Variants in DDX60L observed in about 807,000 individuals in gnomAD.
The protein encoded by DDX60L is probable ATP-dependent RNA helicase DDX60-like.
DDX60L carries 191 observed loss-of-function variants against 211.6 expected under a neutral mutation model. That is an observed-to-expected ratio of 0.90 (90% CI 0.80 to 1.02). The LOEUF is 1.02. Among genes scored for constraint, DDX60L ranks in the 50% least tolerant of loss-of-function variants. DDX60L has a pLI of 0.00. For synonymous variants in DDX60L, 706 were observed against 694.1 expected (o/e 1.02, Z -0.27); for missense variants, 2,007 against 1,984.1 (o/e 1.01, Z -0.22).
chr4:168,405,803 A>G, intron 24 of DDX60L, 147 bp downstream of exon 24: 1 of 806,358 alleles, frequency 1.2e-6, no homozygotes, highest in Non-Finnish European at 1.8e-6. Flanking sequence ...ATTCTATCTC[A>G]TACTCACTGG....
chr4:168,442,978 C>T (rs925049279), intron 9 of DDX60L, among the ~76,000 whole-genome samples: 2 of 152,216 alleles, frequency 1.3e-5, no homozygotes, highest in African/African-American at 4.8e-5. Flanking sequence ...GCCTCTCCTC[C>T]TCCAAAGGAA....
intron 15 of DDX60L, among the ~76,000 whole-genome samples, chr4:168,422,935 G>T (rs1750867568): frequency 6.7e-6 from 1 of 148,182 alleles, no homozygotes; most frequent in African/African-American, 2.5e-5. Context: ...GAGTAGCTGG[G>T]ACTACAGGCA....
At chr4:168,400,042 G>C (rs964743699) in intron 26 of DDX60L, among the ~76,000 whole-genome samples, 1 of 151,998 alleles carries the variant, frequency 6.6e-6, no homozygotes, top group Non-Finnish European at 1.5e-5. Context: ...ATAGGCCCCA[G>C]TGTGTGTTGT....
chr4:168,387,545 T>C (rs1404728137), intron 29 of DDX60L, among the ~76,000 whole-genome samples: 1 of 152,216 alleles, frequency 6.6e-6, no homozygotes, highest in Non-Finnish European at 1.5e-5. Flanking sequence ...CTGCAGATTG[T>C]TTTTTATAGA....
chr4:168,436,312 A>C lies in DDX60L; in HGVS notation c.1295-3197T>G, dbSNP rs1753026927. 2.0e-5 allele frequency among the ~76,000 whole-genome samples: 3 copies of C among 152,242 alleles called. No individual in the cohort carries two copies. The South Asian group carries it at 6.2e-4, about 31-fold the overall frequency. On this transcript the variant is annotated intron_variant, in intron 10 of 37. Coordinates refer to ENST00000682922, the MANE Select transcript of DDX60L (RefSeq NM_001012967.3). ...CTCTGGATATAGTTACCTTCCCTGCATGCAATGCTTCTGCCAGAAATACTA... is the reference window on the plus strand; with the variant it reads ...CTCTGGATATAGTTACCTTCCCTGCCTGCAATGCTTCTGCCAGAAATACTA...
chr4:168,426,463 T>C (rs900420228), intron 14 of DDX60L, among the ~76,000 whole-genome samples: 5 of 151,930 alleles, frequency 3.3e-5, no homozygotes, highest in African/African-American at 1.2e-4. Context: ...CGAAATATTT[T>C]ATAATGGGTC....
At chr4:168,468,665 A>G (rs556567797) in intron 4 of DDX60L, 1 of 152,322 alleles carries the variant, frequency 6.6e-6, no homozygotes, top group Admixed American at 6.5e-5. Flanking sequence ...GCAATTAAAA[A>G]ATAAAATTGG....
At chr4:168,467,404 C>T (rs1758133073) in intron 4 of DDX60L, among the ~76,000 whole-genome samples, 1 of 141,406 alleles carries the variant, frequency 7.1e-6, no homozygotes, top group Non-Finnish European at 1.5e-5. Context: ...AGAGTGAGAC[C>T]CTGTTTCAAA....
chr4:168,387,544 G>A (rs115333399), intron 29 of DDX60L, among the ~76,000 whole-genome samples: 6,485 of 152,252 alleles, frequency 0.043, 146 homozygotes, highest in Middle Eastern at 0.099. Context: ...TCTGCAGATT[G>A]TTTTTTATAG....
chr4:168,396,842 C>T (rs9654281), intron 26 of DDX60L, among the ~76,000 whole-genome samples: 5,072 of 151,988 alleles, frequency 0.033, 294 homozygotes, highest in African/African-American at 0.12. Context: ...AGAGAGCTTG[C>T]CCTAGTCTTT....
At chr4:168,385,736 T>C (rs1226413698) in intron 29 of DDX60L, among the ~76,000 whole-genome samples, 3 of 152,152 alleles carry the variant, frequency 2.0e-5, no homozygotes, top group African/African-American at 7.2e-5. Flanking sequence ...TCTGTGTTGA[T>C]TGTAGTGATT....
At chr4:168,434,026 T>C (rs577133708) in intron 10 of DDX60L, among the ~76,000 whole-genome samples, 130 of 152,318 alleles carry the variant, frequency 8.5e-4, no homozygotes, top group Non-Finnish European at 1.3e-3. Flanking sequence ...TTAACTTTTA[T>C]GTCTTTGTAG....
intron 7 of DDX60L, among the ~76,000 whole-genome samples, chr4:168,455,801 C>T (rs925000720): frequency 6.6e-6 from 1 of 152,098 alleles, no homozygotes; most frequent in Non-Finnish European, 1.5e-5. Flanking sequence ...TTAAGAAAAA[C>T]ACTAAATTAC....
At chr4:168,441,298 AACATG>A in intron 10 of DDX60L, 34 bp downstream of exon 10, 1 of 1,538,714 alleles carries the variant, frequency 6.5e-7, no homozygotes. Flanking sequence ...GTTCAGGACA[AACATG>A]CTTTTGTTCC....
chr4:168,415,526 G>T lies in DDX60L; in HGVS notation c.2870-9C>A. On this transcript the variant is annotated splice_polypyrimidine_tract_variant and intron_variant, in intron 21 of 37. Transcript: ENST00000682922. ...TCTCTCTCCACAGAGCACTAGATAC[G>T]AAGAGCAAGAATATCCAAATTAATG... is the stretch of plus-strand genomic sequence containing the variant. 1.3e-6 allele frequency: 2 copies of T among 1,519,072 alleles called. No individual in the cohort carries two copies. Among genetic ancestry groups the T allele is most frequent in the South Asian group, 1.2e-5 (1 of 83,234 alleles). The allele number at this position is 1,519,072 out of a possible 1,614,324, so 94.1% of individuals were successfully genotyped here. A position where few individuals can be genotyped will look rare whatever the true frequency, so the allele number is the denominator to read the frequency against.
intron 10 of DDX60L, among the ~76,000 whole-genome samples, chr4:168,436,426 AGGTGTGGCGGTG>A (rs1287491137): frequency 6.6e-6 from 1 of 152,192 alleles, no homozygotes; most frequent in African/African-American, 2.4e-5. Flanking sequence ...ATAGCAAATG[AGGTGTGGCGGTG>A]GGTCTACGTT....
rs1745438318 is a variant in DDX60L at position 168,394,554 on chromosome 4, C to T, written c.3721G>A (p.Ala1241Thr). The part of the protein sequence containing the change: ...TRHGKELKAL[A>T]QRGIGYHHSS... ...TGATGATATCCAATCCCCCTTTGTGCTAAAGCCTTCAGTTCTTTGCCGTGT... is the reference window on the plus strand; with the variant it reads ...TGATGATATCCAATCCCCCTTTGTGTTAAAGCCTTCAGTTCTTTGCCGTGT... The change falls in exon 28 of 38, where the codon GCA becomes ACA. Residue 1241 changes from alanine (A) to threonine (T), a missense_variant. Transcript: ENST00000682922. 1 of 1,613,584 alleles carries T rather than the reference C, an allele frequency of 6.2e-7. No individual in the cohort carries two copies. The highest frequency in any genetic ancestry group is 1.3e-5 in the African/African-American group (1 of 74,922).
chr4:168,416,803 A>G lies in DDX60L; in HGVS notation c.2611-6T>C. ...TCTCTGCCAAGATAATGGACCTAGT[A>G]AAGAAAAAAAAATCAGTTGAAAAGT... is the stretch of plus-strand genomic sequence containing the variant. On this transcript the variant is annotated splice_region_variant and splice_polypyrimidine_tract_variant and intron_variant, in intron 19 of 37. Transcript: ENST00000682922. The G allele has an allele frequency of 6.8e-7, 1 of 1,480,916 alleles. No individual in the cohort carries two copies. The highest frequency in any genetic ancestry group is 9.2e-7 in the Non-Finnish European group (1 of 1,091,840). 91.7% of individuals were successfully genotyped at this position (1,480,916 alleles called of 1,614,324 possible). A position where few individuals can be genotyped will look rare whatever the true frequency, so the allele number is the denominator to read the frequency against.
intron 22 of DDX60L, among the ~76,000 whole-genome samples, chr4:168,411,968 G>A (rs1748753843): frequency 6.6e-6 from 1 of 151,930 alleles, no homozygotes; most frequent in Non-Finnish European, 1.5e-5. Flanking sequence ...CTCGCTCCCA[G>A]ACCTTTCTAG....
Sources: gnomAD v4.1 joint callset for allele counts (sites outside exome capture counted in the v4.1 genomes callset) on GRCh38, gnomAD v4.1.1 for gene constraint, MANE v1.5 for transcripts, NCBI Gene and HGNC (gene_info 2026-07-23, HGNC 2026-07-21) for gene names.